The following CACNA2D1 variants were observed in gnomAD, a reference collection of about 807,000 sequenced individuals.
The protein encoded by CACNA2D1 is calcium voltage-gated channel auxiliary subunit alpha2delta 1, also known as voltage-dependent calcium channel subunit alpha-2/delta-1.
A neutral mutation model predicts 171.5 loss-of-function variants in CACNA2D1; 53 were observed. The ratio of observed to expected loss-of-function variants is 0.31; its 90% confidence interval spans 0.25 to 0.39. The LOEUF is 0.39. Ranked by LOEUF, CACNA2D1 falls within the 10% of genes least tolerant of loss-of-function variation. The probability of loss-of-function intolerance (pLI) is 1.00; values close to 1 mark genes in which losing one functional copy is unlikely to be tolerated. For synonymous variants in CACNA2D1, 442 were observed against 443.1 expected (o/e 1.00, Z 0.03); for missense variants, 903 against 1,299.8 (o/e 0.69, Z 4.69).
chr7:82,158,820 G>T (rs560185792), intron 4 of CACNA2D1, among the ~76,000 whole-genome samples: 1 of 151,952 alleles, frequency 6.6e-6, no homozygotes, highest in East Asian at 1.9e-4. Flanking sequence ...ACACATGATA[G>T]TTTTGATACT....
At chr7:82,046,969 A>G (rs924942275) in intron 10 of CACNA2D1, among the ~76,000 whole-genome samples, 1 of 152,188 alleles carries the variant, frequency 6.6e-6, no homozygotes, top group African/African-American at 2.4e-5. Flanking sequence ...AGAAAATTTT[A>G]TAATTCTCTA....
chr7:82,127,800 T>C (rs1790504556), intron 5 of CACNA2D1, among the ~76,000 whole-genome samples: 2 of 152,240 alleles, frequency 1.3e-5, no homozygotes, highest in Non-Finnish European at 2.9e-5. Flanking sequence ...ATAAGTTAAC[T>C]GGACACAGCA....
intron 9 of CACNA2D1, among the ~76,000 whole-genome samples, chr7:82,062,434 C>A (rs746954029): frequency 1.3e-5 from 2 of 152,128 alleles, no homozygotes; most frequent in African/African-American, 4.8e-5. Flanking sequence ...AATTTTATCT[C>A]CTTAATGCTT....
chr7:82,099,114 G>C (rs1812304340), intron 6 of CACNA2D1, among the ~76,000 whole-genome samples: 1 of 150,954 alleles, frequency 6.6e-6, no homozygotes, highest in Admixed American at 6.6e-5. Flanking sequence ...TTACTTTCTT[G>C]TCAGTTTGCA....
At chr7:82,205,765 A>G (rs1414021564) in intron 3 of CACNA2D1, among the ~76,000 whole-genome samples, 1 of 152,174 alleles carries the variant, frequency 6.6e-6, no homozygotes, top group Non-Finnish European at 1.5e-5. Flanking sequence ...CATGTAATGC[A>G]TAATTGCTGA....
intron 10 of CACNA2D1, among the ~76,000 whole-genome samples, chr7:82,047,993 C>T (rs1162976015): frequency 6.6e-6 from 1 of 152,080 alleles, no homozygotes; most frequent in Non-Finnish European, 1.5e-5. Context: ...TGGAAGCATC[C>T]AGATTCATGT....
At chr7:82,057,962 A>G (rs1276116148) in intron 10 of CACNA2D1, among the ~76,000 whole-genome samples, 1 of 152,174 alleles carries the variant, frequency 6.6e-6, no homozygotes, top group Admixed American at 6.5e-5. Flanking sequence ...CATCTTTAAG[A>G]ATCATTGACT....
chr7:82,348,234 TA>T (rs1354435512), intron 2 of CACNA2D1, among the ~76,000 whole-genome samples: 3 of 152,286 alleles, frequency 2.0e-5, no homozygotes, highest in African/African-American at 7.2e-5. Flanking sequence ...GGTACTTCCA[TA>T]AACTCCATGA....
chr7:82,437,505 T>TA (rs968189965), intron 1 of CACNA2D1, among the ~76,000 whole-genome samples: 28 of 152,088 alleles, frequency 1.8e-4, no homozygotes, highest in East Asian at 1.2e-3. Context: ...AGCATATGGT[T>TA]AAAAAAAATC....
At chr7:82,176,592 G>A (rs1040596602) in intron 3 of CACNA2D1, among the ~76,000 whole-genome samples, 1 of 151,768 alleles carries the variant, frequency 6.6e-6, no homozygotes, top group Non-Finnish European at 1.5e-5. Context: ...AGGATTAAAA[G>A]TTATAAAATG....
chr7:82,423,465 T>C (rs1828904513), intron 1 of CACNA2D1, among the ~76,000 whole-genome samples: 1 of 152,196 alleles, frequency 6.6e-6, no homozygotes, highest in Non-Finnish European at 1.5e-5. Context: ...ATCAAAATAG[T>C]TGGTTTGCTG....
chr7:82,408,661 T>C lies in CACNA2D1; in HGVS notation c.95+34704A>G, dbSNP rs150924514. Among the ~76,000 whole-genome samples the C allele has an allele frequency of 3.6e-3, 555 of 152,328 alleles. 8 individuals carry two copies. The highest frequency in any genetic ancestry group is 0.012 in the African/African-American group (517 of 41,578). ...AATCAAGTTGTATACTTTCTACTTT[T>C]GTTTAGTGTTTTCTTCCTTCTAACC... is the stretch of plus-strand genomic sequence containing the variant. On this transcript the variant is annotated intron_variant, in intron 1 of 38. Coordinates refer to ENST00000356860, the MANE Select transcript of CACNA2D1 (RefSeq NM_000722.4).
At chr7:82,325,830 C>A (rs546546637) in intron 3 of CACNA2D1, among the ~76,000 whole-genome samples, 1 of 152,130 alleles carries the variant, frequency 6.6e-6, no homozygotes, top group East Asian at 1.9e-4. Flanking sequence ...TTTGTTATAA[C>A]GCTGATGAGA....
chr7:82,022,822 T>C (rs1259822067), intron 12 of CACNA2D1, among the ~76,000 whole-genome samples: 2 of 151,944 alleles, frequency 1.3e-5, no homozygotes, highest in African/African-American at 4.8e-5. Context: ...GGATTTATTG[T>C]CAAGTGATTA....
At chr7:82,392,608 C>T (rs1407045574) in intron 1 of CACNA2D1, among the ~76,000 whole-genome samples, 2 of 152,118 alleles carry the variant, frequency 1.3e-5, no homozygotes, top group Non-Finnish European at 2.9e-5. Context: ...CCAAGCAAGG[C>T]CTAGGTGGGG....
intron 3 of CACNA2D1, among the ~76,000 whole-genome samples, chr7:82,278,472 C>A (rs1252234191): frequency 6.8e-6 from 1 of 148,078 alleles, no homozygotes; most frequent in Non-Finnish European, 1.5e-5. Context: ...GCAGGAGAAT[C>A]GCTTGAGCCC....
At chr7:82,069,747 A>T (rs1192589956) in intron 7 of CACNA2D1, among the ~76,000 whole-genome samples, 1 of 152,100 alleles carries the variant, frequency 6.6e-6, no homozygotes, top group African/African-American at 2.4e-5. Context: ...GGAAAGAATA[A>T]AGCAAATAAT....
intron 38 of CACNA2D1, among the ~76,000 whole-genome samples, chr7:81,954,618 A>G (rs1178793905): frequency 6.6e-6 from 1 of 152,100 alleles, no homozygotes; most frequent in Non-Finnish European, 1.5e-5. Context: ...ATAATTTTTA[A>G]TTTATTAAAT....
At chr7:82,053,387 T>G (rs962288168) in intron 10 of CACNA2D1, among the ~76,000 whole-genome samples, 11 of 150,850 alleles carry the variant, frequency 7.3e-5, no homozygotes, top group Admixed American at 2.6e-4. Flanking sequence ...AGCAAATCTA[T>G]GTCTCAATGT....
Sources: allele counts gnomAD v4.1 joint callset (sites outside exome capture counted in the v4.1 genomes callset), GRCh38; gene constraint gnomAD v4.1.1; transcripts MANE v1.5; gene names NCBI Gene and HGNC (gene_info 2026-07-23, HGNC 2026-07-21).